The following MTHFD1 variants were observed in gnomAD, a reference collection of about 807,000 sequenced individuals.
The protein encoded by MTHFD1 is C-1-tetrahydrofolate synthase, cytoplasmic.
MTHFD1 carries 44 observed loss-of-function variants against 110.3 expected under a neutral mutation model. That is an observed-to-expected ratio of 0.40 (90% CI 0.31 to 0.51). The LOEUF (loss-of-function observed/expected upper bound fraction) is 0.51, where lower values mean the gene tolerates loss of function less well. MTHFD1 is among the 20% of genes least tolerant of loss of function. MTHFD1 has a pLI of 0.60. For missense variants in MTHFD1, 909 were observed against 1,173.1 expected, an observed-to-expected ratio of 0.77 and a Z score of 3.29; for synonymous variants, 402 against 428.8, an observed-to-expected ratio of 0.94 and a Z score of 0.77.
At chr14:64,446,393 G>A (rs11629135) in intron 22 of MTHFD1, among the ~76,000 whole-genome samples, 19,644 of 152,148 alleles carry the variant, frequency 0.13, 1,621 homozygotes, top group African/African-American at 0.23. Flanking sequence ...GAGTGTATAT[G>A]TCATAATTCA....
rs149531515 is a variant in MTHFD1 at position 64,445,007 on chromosome 14, T to G, written c.2178+273T>G. ...CAGCTGATTTTGACCCCGGGGACAT[T>G]TGGCAATGTCTAGAGACTTTTTTTA... On this transcript the variant is annotated intron_variant, in intron 22 of 27. Transcript: ENST00000652337. The G allele has an allele frequency of 2.1e-3, 998 of 486,560 alleles. 19 individuals carry two copies. In the East Asian group the frequency reaches 0.037, roughly 18 times the overall value. The allele number at this position is 486,560 out of a possible 1,614,324, so 30.1% of individuals were successfully genotyped here.
chr14:64,437,830 CCTG>C (rs2078218161), intron 16 of MTHFD1, among the ~76,000 whole-genome samples: 1 of 152,146 alleles, frequency 6.6e-6, no homozygotes, highest in African/African-American at 2.4e-5. Context: ...TCTCCCAGCA[CCTG>C]GATGTGTTCA....
chr14:64,399,424 GT>G (rs2077879797), intron 1 of MTHFD1, among the ~76,000 whole-genome samples: 1 of 152,172 alleles, frequency 6.6e-6, no homozygotes, highest in Admixed American at 6.6e-5. Flanking sequence ...ACTTTGGGAG[GT>G]TGAGATGGGT....
At position 64,423,893 on chromosome 14, in the gene MTHFD1, AT is replaced by A. The variant is rs2078096638; in HGVS notation, c.728-904del. On this transcript the variant is annotated intron_variant, in intron 8 of 27. Transcript: ENST00000652337. ...AGGTGCCCGCCACCATGCCCAGCTA[AT>A]TTTTTTGTATTTTTAGCAGAGACGG... 2.7e-5 allele frequency among the ~76,000 whole-genome samples: 4 copies of A among 150,890 alleles called. No individual in the cohort carries two copies. In the South Asian group the frequency reaches 8.4e-4, roughly 32 times the overall value.
intron 4 of MTHFD1, among the ~76,000 whole-genome samples, chr14:64,413,696 G>C (rs773996747): frequency 5.9e-4 from 90 of 152,294 alleles, no homozygotes; most frequent in Non-Finnish European, 1.1e-3. Flanking sequence ...GTATTGTAAG[G>C]TGCAAATTAT....
chr14:64,426,261 A>T, intron 11 of MTHFD1, 69 bp downstream of exon 11: 7 of 1,573,658 alleles, frequency 4.4e-6, no homozygotes, highest in Non-Finnish European at 6.1e-6. Flanking sequence ...TTGCATTTGC[A>T]CTTGGCACAT....
chr14:64,402,937 T>C (rs1046911043), intron 2 of MTHFD1, among the ~76,000 whole-genome samples: 3 of 152,278 alleles, frequency 2.0e-5, no homozygotes, highest in African/African-American at 7.2e-5. Context: ...TAAAAACACA[T>C]GCACTCAAGA....
At chr14:64,422,850 C>T (rs190728561) in intron 8 of MTHFD1, 9 of 152,274 alleles carry the variant, frequency 5.9e-5, no homozygotes, top group African/African-American at 2.2e-4. Flanking sequence ...CCACTGACCA[C>T]ATCATCCTAT....
At chr14:64,444,817 T>C in intron 22 of MTHFD1, 83 bp downstream of exon 22, 2 of 1,474,706 alleles carry the variant, frequency 1.4e-6, no homozygotes, top group South Asian at 2.3e-5. Context: ...CATGTGGAAA[T>C]GAATGGGTTA....
At chr14:64,446,161 A>G (rs933373151) in intron 22 of MTHFD1, among the ~76,000 whole-genome samples, 1 of 152,244 alleles carries the variant, frequency 6.6e-6, no homozygotes, top group African/African-American at 2.4e-5. Flanking sequence ...ATTAAACATT[A>G]TAAGAATGTA....
intron 26 of MTHFD1, chr14:64,457,889 G>C (rs978551859): frequency 8.8e-5 from 35 of 397,268 alleles, no homozygotes; most frequent in Non-Finnish European, 1.3e-4. Context: ...AAGGAAAAGT[G>C]AAAGTAAAGA....
intron 13 of MTHFD1, among the ~76,000 whole-genome samples, chr14:64,430,717 A>G (rs1013465102): frequency 1.3e-5 from 2 of 152,220 alleles, no homozygotes; most frequent in African/African-American, 4.8e-5. Context: ...TAATTTGCAG[A>G]CTTGTGATAC....
At chr14:64,420,767 A>G (rs2078062982) in intron 8 of MTHFD1, among the ~76,000 whole-genome samples, 1 of 152,106 alleles carries the variant, frequency 6.6e-6, no homozygotes, top group South Asian at 2.1e-4. Flanking sequence ...CACTAATTTC[A>G]GTGACCTCTG....
At chr14:64,411,729 A>G (rs1005769007) in intron 3 of MTHFD1, among the ~76,000 whole-genome samples, 3 of 152,116 alleles carry the variant, frequency 2.0e-5, no homozygotes, top group East Asian at 1.9e-4. Context: ...GAGAAACCCC[A>G]TCTCTACTAA....
At chr14:64,444,595 A>G in intron 21 of MTHFD1, 98 bp from the exon 22 acceptor site, 4 of 1,326,096 alleles carry the variant, frequency 3.0e-6, no homozygotes, top group Non-Finnish European at 2.2e-6. Context: ...ACAGCCTGCA[A>G]GCATTGCAGC....
At chr14:64,439,215 T>G in intron 17 of MTHFD1, 43 bp downstream of exon 17, 1 of 1,405,648 alleles carries the variant, frequency 7.1e-7, no homozygotes, top group Non-Finnish European at 1.0e-6. Context: ...TCAGAGGCAC[T>G]AGATCTTGCT....
Position 64,418,022 on chromosome 14 carries a change from G to T in MTHFD1, c.613G>T (p.Glu205Ter). 6.2e-7 allele frequency: 1 copy of T among 1,614,202 alleles called. No individual in the cohort carries two copies. The highest frequency in any genetic ancestry group is 8.5e-7 in the Non-Finnish European group (1 of 1,180,036). The change falls in exon 7 of 28, where the codon GAG (glutamate) becomes TAG (stop). Residue 205 changes from glutamate (E) to a stop codon, truncating the protein, a stop_gained and splice_region_variant. Coordinates refer to ENST00000652337, the MANE Select transcript of MTHFD1 (RefSeq NM_005956.4). LOFTEE classifies it high-confidence loss of function. ...CTCCAAGACTGCCCATCTGGATGAG[G>T]AGGTAGGGTGTCCAGAGGAGAGGTA... ...CHSKTAHLDE[E>*]VNKGDILVVA...
At chr14:64,426,561 C>T (rs2078120870) in intron 11 of MTHFD1, among the ~76,000 whole-genome samples, 1 of 152,178 alleles carries the variant, frequency 6.6e-6, no homozygotes, top group Admixed American at 6.5e-5. Context: ...ACCTCTGTCT[C>T]CCAAGTTCAA....
intron 26 of MTHFD1, among the ~76,000 whole-genome samples, chr14:64,455,608 C>T (rs2078459087): frequency 1.3e-5 from 2 of 152,160 alleles, no homozygotes; most frequent in South Asian, 4.1e-4. Flanking sequence ...ATTGTACTGC[C>T]ATGCAATACA....
Sources: gnomAD v4.1 joint callset for allele counts (sites outside exome capture counted in the v4.1 genomes callset) on GRCh38, gnomAD v4.1.1 for gene constraint, MANE v1.5 for transcripts, NCBI Gene and HGNC (gene_info 2026-07-23, HGNC 2026-07-21) for gene names.